The following FAM180A variants were observed in gnomAD, a reference collection of about 807,000 sequenced individuals.
The protein encoded by FAM180A is family with sequence similarity 180 member A.
In FAM180A, 14 loss-of-function variants were observed where a neutral mutation model predicts 15.3. That is an observed-to-expected ratio of 0.92 (90% CI 0.61 to 1.43). FAM180A has a LOEUF of 1.43. Ranked by LOEUF, FAM180A falls within the 40% of genes most tolerant of loss-of-function variation. The pLI is 0.00. For synonymous variants in FAM180A, 90 were observed against 96.8 expected (o/e 0.93, Z 0.41); for missense variants, 200 against 220.8 (o/e 0.91, Z 0.60).
rs1796751492 is a variant in FAM180A at position 135,729,612 on chromosome 7, A to G, written c.*999T>C. The G allele has an allele frequency of 1.0e-6, 1 of 984,734 alleles. No individual in the cohort carries two copies. The highest frequency in any genetic ancestry group is 1.2e-6 in the Non-Finnish European group (1 of 829,272). The allele number at this position is 984,734 out of a possible 1,614,324, so 61.0% of individuals were successfully genotyped here. On this transcript the variant is annotated 3_prime_UTR_variant, in exon 4 of 4. Coordinates refer to ENST00000338588, the MANE Select transcript of FAM180A (RefSeq NM_205855.4). ...AAAGATTCCAGTGAGCAACTCAATC[A>G]TGACATCTTTATTATACCATAGATG...
At chr7:135,736,688 A>G (rs6963905) in intron 2 of FAM180A, among the ~76,000 whole-genome samples, 64,368 of 152,016 alleles carry the variant, frequency 0.42, 13,805 homozygotes, top group Middle Eastern at 0.54. Context: ...GCTCAGCCAG[A>G]CAGCATTGCC....
intron 1 of FAM180A, among the ~76,000 whole-genome samples, chr7:135,744,838 G>T (rs1366538617): frequency 6.6e-6 from 1 of 152,194 alleles, no homozygotes; most frequent in Non-Finnish European, 1.5e-5. Context: ...CTGCCTCACA[G>T]AGTTACTATG....
rs1197354614 is a variant in FAM180A, at chr7:135,733,961, T to C, written c.*14A>G. 11 of 1,577,502 alleles carry C rather than the reference T, an allele frequency of 7.0e-6. No homozygotes were observed. The highest frequency in any genetic ancestry group is 8.6e-6 in the Non-Finnish European group (10 of 1,161,048). On this transcript the variant is annotated 3_prime_UTR_variant, in exon 3 of 4. Transcript: ENST00000338588. ...GCTGGTCCCTGCTCTGAGGTCCTGG[T>C]GTGGGCCAGTCTCTCAGGGAGGTAC...
At position 135,729,871 on chromosome 7, in the gene FAM180A, G is replaced by T; in HGVS notation, c.*740C>A. Reference sequence around the variant, plus strand: ...AGGCAGGGGGAAGGGGAAAAGAGGAGTTGTTCGGTGGGTATAGAACTTCAG... The same window carrying T: ...AGGCAGGGGGAAGGGGAAAAGAGGATTTGTTCGGTGGGTATAGAACTTCAG... On this transcript the variant is annotated 3_prime_UTR_variant, in exon 4 of 4. Coordinates refer to ENST00000338588, the MANE Select transcript of FAM180A (RefSeq NM_205855.4). The T allele has an allele frequency of 1.4e-6, 1 of 706,274 alleles. No individual in the cohort carries two copies. Among genetic ancestry groups the T allele is most frequent in the Non-Finnish European group, 1.7e-6 (1 of 575,342 alleles). The allele number at this position is 706,274 out of a possible 1,614,324, so 43.8% of individuals were successfully genotyped here.
rs991939684 is a variant in FAM180A at position 135,730,201 on chromosome 7, T to C, written c.*410A>G. On this transcript the variant is annotated 3_prime_UTR_variant, in exon 4 of 4. Coordinates refer to ENST00000338588, the MANE Select transcript of FAM180A (RefSeq NM_205855.4). ...GTCTGTTGATGTCTCTTGAGTGACA[T>C]TGGAGATAGCTGTGAGGATGCCAAC... 3 of 985,176 alleles carry C rather than the reference T, an allele frequency of 3.0e-6. No homozygotes were observed. The highest frequency in any genetic ancestry group is 1.7e-5 in the African/African-American group (1 of 57,184). The allele number at this position is 985,176 out of a possible 1,614,324, so 61.0% of individuals were successfully genotyped here.
intron 2 of FAM180A, 32 bp from the exon 3 acceptor site, chr7:135,734,351 A>C (rs1414471579): frequency 1.4e-5 from 22 of 1,553,692 alleles, no homozygotes; most frequent in Non-Finnish European, 1.8e-5. Flanking sequence ...CAAAAATATG[A>C]AGTGAGGCAT....
intron 1 of FAM180A, among the ~76,000 whole-genome samples, chr7:135,744,242 A>G (rs1417565261): frequency 6.6e-6 from 1 of 152,120 alleles, no homozygotes; most frequent in Non-Finnish European, 1.5e-5. Context: ...TCCCTCCGAT[A>G]TGTTCAGTAG....
At chr7:135,741,013 G>A (rs1396848524) in intron 1 of FAM180A, among the ~76,000 whole-genome samples, 1 of 151,880 alleles carries the variant, frequency 6.6e-6, no homozygotes, top group Non-Finnish European at 1.5e-5. Flanking sequence ...GAAGGCAATA[G>A]GGAGGGAATG....
intron 3 of FAM180A, among the ~76,000 whole-genome samples, chr7:135,730,963 A>T (rs117864365): frequency 1.3e-5 from 2 of 150,868 alleles, no homozygotes; most frequent in Non-Finnish European, 3.0e-5. Flanking sequence ...TCTTTTTTCT[A>T]TTTTTTTTTC....
intron 3 of FAM180A, among the ~76,000 whole-genome samples, chr7:135,731,761 C>A (rs1204619328): frequency 6.6e-6 from 1 of 152,182 alleles, no homozygotes; most frequent in African/African-American, 2.4e-5. Context: ...ATGATGAATA[C>A]CTTCTTCCAG....
At chr7:135,731,226 T>C (rs973571352) in intron 3 of FAM180A, among the ~76,000 whole-genome samples, 1 of 152,126 alleles carries the variant, frequency 6.6e-6, no homozygotes, top group African/African-American at 2.4e-5. Context: ...TATCAGGGTA[T>C]TGCACAGTGT....
At chr7:135,741,380 C>T (rs1186611324) in intron 1 of FAM180A, among the ~76,000 whole-genome samples, 1 of 152,018 alleles carries the variant, frequency 6.6e-6, no homozygotes, top group Non-Finnish European at 1.5e-5. Flanking sequence ...TGGCAGGCAC[C>T]TACAGGGCAC....
rs752938930 is a variant in FAM180A, at chr7:135,733,993, C to A, written c.504G>T (p.Gln168His). 6.2e-7 allele frequency: 1 copy of A among 1,606,886 alleles called. No homozygotes were observed. The highest frequency in any genetic ancestry group is 8.5e-7 in the Non-Finnish European group (1 of 1,176,076). Residue 168 changes from glutamine to histidine, a missense_variant, in exon 3 of 4, where the codon CAG becomes CAT. Physicochemically the swap from Gln to His is conservative, Grantham distance 24. Transcript: ENST00000338588. ...ALRHDLMRSS[Q>H]PGVPP ...CAGTCTCTCAGGGAGGTACTCCCGGCTGTGAGGAGCGCATCAAGTCGTGCC... is the reference window on the plus strand; with the variant it reads ...CAGTCTCTCAGGGAGGTACTCCCGGATGTGAGGAGCGCATCAAGTCGTGCC...
Position 135,748,594 on chromosome 7 carries a change from A to C in FAM180A, c.-14T>G. The stretch of plus-strand genomic sequence containing the variant: ...CTTCCAATGCATCTTGTCCTTCAAA[A>C]GGTGAAAAATCGACCCTCAAGCCCA... On this transcript the variant is annotated 5_prime_UTR_variant, in exon 1 of 4. Coordinates refer to ENST00000338588, the MANE Select transcript of FAM180A (RefSeq NM_205855.4). 4.3e-6 allele frequency: 7 copies of C among 1,612,428 alleles called. No individual in the cohort carries two copies. Among genetic ancestry groups the C allele is most frequent in the Non-Finnish European group, 5.1e-6 (6 of 1,178,534 alleles).
chr7:135,730,868 A>G (rs79194578), intron 3 of FAM180A, among the ~76,000 whole-genome samples: 3,555 of 152,302 alleles, frequency 0.023, 160 homozygotes, highest in African/African-American at 0.081. Flanking sequence ...TGGGTAAACA[A>G]TGATCTGCAT....
chr7:135,732,851 A>T (rs1314481051), intron 3 of FAM180A, among the ~76,000 whole-genome samples: 1 of 152,232 alleles, frequency 6.6e-6, no homozygotes, highest in African/African-American at 2.4e-5. Flanking sequence ...TTGGCATTTG[A>T]AAGGGTAGAA....
intron 3 of FAM180A, among the ~76,000 whole-genome samples, chr7:135,730,777 G>A (rs956136246): frequency 3.9e-5 from 6 of 152,158 alleles, no homozygotes; most frequent in Non-Finnish European, 5.9e-5. Context: ...CTTGGGCAAA[G>A]AATAGGGTTT....
Position 135,733,633 on chromosome 7 carries a change from C to T in FAM180A, c.*329+13G>A. The T allele has an allele frequency of 9.6e-7, 1 of 1,046,598 alleles. No homozygotes were observed. The highest frequency in any genetic ancestry group is 1.1e-6 in the Non-Finnish European group (1 of 870,502). The allele number at this position is 1,046,598 out of a possible 1,614,324, so 64.8% of individuals were successfully genotyped here. ...AAGTGCTGGGATTACAGGCGTGAGC[C>T]TCTGTGCCCGGCCTGTTCTCACTCT... On this transcript the variant is annotated intron_variant, in intron 3 of 3. Transcript: ENST00000338588.
intron 2 of FAM180A, among the ~76,000 whole-genome samples, 159 bp downstream of exon 2, chr7:135,736,940 G>A (rs1796880353): frequency 6.6e-6 from 1 of 152,228 alleles, no homozygotes; most frequent in East Asian, 1.9e-4. Flanking sequence ...CTTTATGAAT[G>A]AGTAGGTTCT....
Sources: allele counts gnomAD v4.1 joint callset (sites outside exome capture counted in the v4.1 genomes callset), GRCh38; gene constraint gnomAD v4.1.1; transcripts MANE v1.5; gene names NCBI Gene and HGNC (gene_info 2026-07-23, HGNC 2026-07-21).